Variants in PDSS2 observed in about 807,000 individuals in gnomAD.
PDSS2 encodes decaprenyl diphosphate synthase subunit 2, also known as all trans-polyprenyl-diphosphate synthase PDSS2.
A neutral mutation model predicts 44.5 loss-of-function variants in PDSS2; 31 were observed. That is an observed-to-expected ratio of 0.70 (90% CI 0.52 to 0.94). The LOEUF (loss-of-function observed/expected upper bound fraction) is 0.94. PDSS2 is among the 40% of genes least tolerant of loss of function. The probability of loss-of-function intolerance (pLI) is 0.00; values close to 1 mark genes in which losing one functional copy is unlikely to be tolerated. For synonymous variants in PDSS2, 157 were observed against 180.3 expected (o/e 0.87, Z 1.03); for missense variants, 452 against 482.2 (o/e 0.94, Z 0.59).
chr6:107,161,920 T>TGATATGCTA (rs1244439081), intron 7 of PDSS2, among the ~76,000 whole-genome samples: 2 of 152,226 alleles, frequency 1.3e-5, no homozygotes, highest in African/African-American at 4.8e-5. Flanking sequence ...CCGCCGATAG[T>TGATATGCTA]GATATGCTAG....
At chr6:107,363,720 C>T (rs1778861274) in intron 1 of PDSS2, among the ~76,000 whole-genome samples, 1 of 152,168 alleles carries the variant, frequency 6.6e-6, no homozygotes, top group Non-Finnish European at 1.5e-5. Flanking sequence ...TCTGGCCCCA[C>T]CCACATCCTG....
At chr6:107,291,086 A>G (rs896972844) in intron 2 of PDSS2, among the ~76,000 whole-genome samples, 2 of 152,176 alleles carry the variant, frequency 1.3e-5, no homozygotes, top group African/African-American at 4.8e-5. Context: ...GGGTAAAAGA[A>G]TCTTTCGTGA....
At chr6:107,226,731 G>A (rs1312887847) in intron 4 of PDSS2, among the ~76,000 whole-genome samples, 2 of 150,190 alleles carry the variant, frequency 1.3e-5, no homozygotes, top group Non-Finnish European at 3.0e-5. Context: ...ATGCAGTGGC[G>A]CAATCTCGGC....
At chr6:107,316,377 C>T (rs1777197976) in intron 2 of PDSS2, among the ~76,000 whole-genome samples, 2 of 151,894 alleles carry the variant, frequency 1.3e-5, no homozygotes, top group Admixed American at 1.3e-4. Flanking sequence ...CAGCAGAGGA[C>T]GGATTGGTTT....
intron 2 of PDSS2, among the ~76,000 whole-genome samples, chr6:107,289,282 A>C (rs1776264431): frequency 6.6e-6 from 1 of 151,116 alleles, no homozygotes; most frequent in African/African-American, 2.4e-5. Flanking sequence ...CTGAGGCAGG[A>C]GAATTGCTTG....
chr6:107,368,141 C>T (rs534006153), intron 1 of PDSS2, among the ~76,000 whole-genome samples: 27 of 151,468 alleles, frequency 1.8e-4, no homozygotes, highest in Non-Finnish European at 3.4e-4. Context: ...TAGTGGTTTG[C>T]GCCTATAGTC....
At chr6:107,236,460 T>C (rs891651211) in intron 4 of PDSS2, among the ~76,000 whole-genome samples, 2 of 145,190 alleles carry the variant, frequency 1.4e-5, no homozygotes, top group African/African-American at 5.1e-5. Flanking sequence ...AGGGCGAGAC[T>C]CTGTCTCAAA....
At chr6:107,349,401 C>T (rs1050249836) in intron 1 of PDSS2, among the ~76,000 whole-genome samples, 2 of 151,476 alleles carry the variant, frequency 1.3e-5, no homozygotes, top group African/African-American at 2.4e-5. Context: ...CCACTGCACT[C>T]CAGCCTGGGC....
chr6:107,334,074 A>T, intron 2 of PDSS2, 124 bp downstream of exon 2: 1 of 905,222 alleles, frequency 1.1e-6, no homozygotes, highest in Non-Finnish European at 1.8e-6. Context: ...ATCCATTTTT[A>T]ACCTTATATT....
At chr6:107,246,672 A>G (rs1213425004) in intron 3 of PDSS2, among the ~76,000 whole-genome samples, 1 of 152,248 alleles carries the variant, frequency 6.6e-6, no homozygotes, top group African/African-American at 2.4e-5. Flanking sequence ...TTAGAGGCAA[A>G]TGACATTAAT....
chr6:107,281,349 C>T (rs958300523), intron 2 of PDSS2, among the ~76,000 whole-genome samples: 3 of 152,196 alleles, frequency 2.0e-5, no homozygotes, highest in Admixed American at 6.5e-5. Context: ...ATAAACACTG[C>T]ACTCTTTCAA....
At chr6:107,217,102 G>A (rs542424955) in intron 4 of PDSS2, among the ~76,000 whole-genome samples, 8 of 152,206 alleles carry the variant, frequency 5.3e-5, no homozygotes, top group African/African-American at 7.2e-5. Flanking sequence ...ACAAAACCAC[G>A]GGCAATGTTA....
intron 2 of PDSS2, among the ~76,000 whole-genome samples, chr6:107,278,045 C>A (rs1335179269): frequency 6.6e-6 from 1 of 150,846 alleles, no homozygotes; most frequent in Non-Finnish European, 1.5e-5. Flanking sequence ...TTAAAAAAAA[C>A]AGAATGGTTT....
intron 1 of PDSS2, among the ~76,000 whole-genome samples, chr6:107,422,998 A>G (rs2114710282): frequency 6.6e-6 from 1 of 152,254 alleles, no homozygotes; most frequent in Admixed American, 6.5e-5. Flanking sequence ...TGATATAGTA[A>G]CATCTGCTTT....
intron 1 of PDSS2, among the ~76,000 whole-genome samples, chr6:107,419,972 G>A (rs1224411561): frequency 6.6e-6 from 1 of 152,138 alleles, no homozygotes; most frequent in Non-Finnish European, 1.5e-5. Context: ...TTGGTATTAT[G>A]TAGTCCAGAC....
chr6:107,264,720 C>T (rs987667764), intron 3 of PDSS2, among the ~76,000 whole-genome samples: 6 of 152,136 alleles, frequency 3.9e-5, no homozygotes, highest in African/African-American at 9.7e-5. Context: ...AGCTAGATTT[C>T]GAAATTATAG....
chr6:107,346,131 G>T (rs1778239617), intron 1 of PDSS2, among the ~76,000 whole-genome samples: 1 of 152,106 alleles, frequency 6.6e-6, no homozygotes, highest in South Asian at 2.1e-4. Flanking sequence ...ACACTTACAT[G>T]GCACTTATTG....
chr6:107,269,942 C>T (rs1775541763), intron 3 of PDSS2, among the ~76,000 whole-genome samples: 1 of 152,110 alleles, frequency 6.6e-6, no homozygotes, highest in African/African-American at 2.4e-5. Flanking sequence ...GCTGGAAATA[C>T]AGGCGTGAGC....
Position 107,221,342 on chromosome 6 carries a change from G to GA in PDSS2, c.703-9061dup, listed in dbSNP as rs59605783. Among the ~76,000 whole-genome samples, 384 of 70,252 alleles carry GA rather than the reference G, an allele frequency of 5.5e-3. 19 individuals carry two copies. Among genetic ancestry groups the GA allele is most frequent in the South Asian group, 0.013 (20 of 1,534 alleles). 46.1% of individuals were successfully genotyped at this position (70,252 alleles called of 152,430 possible). On this transcript the variant is annotated intron_variant, in intron 4 of 7. Coordinates refer to ENST00000369037, the MANE Select transcript of PDSS2 (RefSeq NM_020381.4). ...GGGCGACAGAGTGAGACTCCGTCTC[G>GA]AAAAAAAAAAAAAAAAAAAAAAAAA...
Sources: gnomAD v4.1 joint callset for allele counts (sites outside exome capture counted in the v4.1 genomes callset) on GRCh38, gnomAD v4.1.1 for gene constraint, MANE v1.5 for transcripts, NCBI Gene and HGNC (gene_info 2026-07-23, HGNC 2026-07-21) for gene names.